MAGI2: variants seen among roughly 807,000 people sequenced by gnomAD.
MAGI2 encodes the protein membrane associated guanylate kinase, WW and PDZ domain containing 2.
In MAGI2, 35 loss-of-function variants were observed where a neutral mutation model predicts 133.3. That is an observed-to-expected ratio of 0.26 (90% CI 0.20 to 0.35). The LOEUF is 0.35. Ranked by LOEUF, MAGI2 falls within the 10% of genes least tolerant of loss-of-function variation. MAGI2 has a pLI of 1.00. For missense variants in MAGI2, 1,636 were observed against 1,863.4 expected (o/e 0.88, Z 2.25); for synonymous variants, 729 against 710.6 (o/e 1.03, Z -0.41).
At chr7:79,037,894 A>G (rs897833666) in intron 1 of MAGI2, among the ~76,000 whole-genome samples, 1 of 152,200 alleles carries the variant, frequency 6.6e-6, no homozygotes, top group Non-Finnish European at 1.5e-5. Flanking sequence ...ATTATATCTT[A>G]TGATGCCATT....
At chr7:78,166,705 C>T (rs1315296205) in intron 15 of MAGI2, among the ~76,000 whole-genome samples, 1 of 152,138 alleles carries the variant, frequency 6.6e-6, no homozygotes, top group Non-Finnish European at 1.5e-5. Flanking sequence ...CACAGCCTGT[C>T]ATTAGCCTGT....
At chr7:78,270,322 T>C (rs1424129454) in intron 9 of MAGI2, among the ~76,000 whole-genome samples, 1 of 152,202 alleles carries the variant, frequency 6.6e-6, no homozygotes, top group Non-Finnish European at 1.5e-5. Flanking sequence ...GGTAGCTTGA[T>C]GGGGATAGCA....
chr7:78,938,988 A>G (rs1800762162), intron 2 of MAGI2, among the ~76,000 whole-genome samples: 1 of 152,026 alleles, frequency 6.6e-6, no homozygotes, highest in East Asian at 1.9e-4. Flanking sequence ...ATCCCCACAT[A>G]TAATCGTTAT....
chr7:78,652,112 G>A (rs1811640035), intron 2 of MAGI2, among the ~76,000 whole-genome samples: 1 of 152,104 alleles, frequency 6.6e-6, no homozygotes, highest in South Asian at 2.1e-4. Flanking sequence ...CCAGGTAATG[G>A]GGAGATATTT....
intron 1 of MAGI2, among the ~76,000 whole-genome samples, chr7:79,348,834 A>C (rs7804560): frequency 0.31 from 47,059 of 151,644 alleles, 7,604 homozygotes; most frequent in Admixed American, 0.38. Context: ...AAGCTTTAAC[A>C]ACATAAAATA....
intron 3 of MAGI2, among the ~76,000 whole-genome samples, chr7:78,574,598 T>C (rs758268183): frequency 2.2e-4 from 33 of 152,218 alleles, no homozygotes; most frequent in Non-Finnish European, 3.8e-4. Context: ...GTTTAACATA[T>C]AGTTAGATCT....
chr7:78,693,409 T>C lies in MAGI2; in HGVS notation c.419-66170A>G, dbSNP rs555734983. On this transcript the variant is annotated intron_variant, in intron 2 of 21. Coordinates refer to ENST00000354212, the MANE Select transcript of MAGI2 (RefSeq NM_012301.4). ...ATGCTTGTATAAAATATTCTTACGA[T>C]GTGTACAATCTGTTAACAAGTCTCT... Among the ~76,000 whole-genome samples, 4 of 152,268 alleles carry C rather than the reference T, an allele frequency of 2.6e-5. No individual in the cohort carries two copies. In the South Asian group the frequency reaches 8.3e-4, roughly 32 times the overall value.
intron 20 of MAGI2, among the ~76,000 whole-genome samples, chr7:78,118,236 A>T (rs1457229276): frequency 6.6e-6 from 1 of 152,228 alleles, no homozygotes. Context: ...AAAATGCAAA[A>T]CTATGAAACT....
At chr7:78,993,367 T>C (rs1401416778) in intron 2 of MAGI2, among the ~76,000 whole-genome samples, 1 of 152,108 alleles carries the variant, frequency 6.6e-6, no homozygotes, top group Non-Finnish European at 1.5e-5. Flanking sequence ...GAGCAGTCTT[T>C]TAATAAATAA....
At chr7:79,359,517 C>A (rs1027740738) in intron 1 of MAGI2, among the ~76,000 whole-genome samples, 1 of 151,942 alleles carries the variant, frequency 6.6e-6, no homozygotes, top group African/African-American at 2.4e-5. Context: ...ATAGGATAAA[C>A]TTAAAGAATC....
chr7:78,935,996 T>C (rs1458417013), intron 2 of MAGI2, among the ~76,000 whole-genome samples: 1 of 152,130 alleles, frequency 6.6e-6, no homozygotes, highest in Non-Finnish European at 1.5e-5. Context: ...AATATACTGA[T>C]TCCCCAAATC....
At chr7:78,437,930 T>C (rs1787208379) in intron 6 of MAGI2, among the ~76,000 whole-genome samples, 1 of 152,196 alleles carries the variant, frequency 6.6e-6, no homozygotes, top group South Asian at 2.1e-4. Flanking sequence ...TTCCCCATAA[T>C]TCCTGAGAAG....
intron 3 of MAGI2, among the ~76,000 whole-genome samples, chr7:78,557,517 T>C (rs1383439752): frequency 6.6e-6 from 1 of 152,182 alleles, no homozygotes; most frequent in Admixed American, 6.5e-5. Flanking sequence ...TATCTGGCCC[T>C]CTAGCCAAGT....
chr7:79,080,451 C>T (rs927590117), intron 1 of MAGI2, among the ~76,000 whole-genome samples: 3 of 152,132 alleles, frequency 2.0e-5, no homozygotes, highest in African/African-American at 4.8e-5. Context: ...CCTACTCAGA[C>T]ATAATAATAT....
chr7:79,096,437 G>A (rs1459044417), intron 1 of MAGI2, among the ~76,000 whole-genome samples: 1 of 152,130 alleles, frequency 6.6e-6, no homozygotes, highest in African/African-American at 2.4e-5. Flanking sequence ...TGCATCACCA[G>A]CCTGAGTTCA....
chr7:79,157,239 C>T (rs1823864339), intron 1 of MAGI2, among the ~76,000 whole-genome samples: 1 of 152,016 alleles, frequency 6.6e-6, no homozygotes. Flanking sequence ...CTCCTCCCAG[C>T]CAAAAGGCAC....
At chr7:78,408,145 T>A (rs183686789) in intron 6 of MAGI2, among the ~76,000 whole-genome samples, 104 of 152,160 alleles carry the variant, frequency 6.8e-4, no homozygotes, top group African/African-American at 2.4e-3. Flanking sequence ...GAATATTATA[T>A]TTATTAAAAA....
At chr7:78,978,698 A>G (rs906734952) in intron 2 of MAGI2, among the ~76,000 whole-genome samples, 2 of 151,888 alleles carry the variant, frequency 1.3e-5, no homozygotes, top group South Asian at 2.1e-4. Context: ...GAATGTGACA[A>G]AAGTATTTAA....
intron 2 of MAGI2, among the ~76,000 whole-genome samples, chr7:78,939,301 T>C (rs900032995): frequency 4.6e-5 from 7 of 152,090 alleles, no homozygotes; most frequent in Admixed American, 4.6e-4. Flanking sequence ...GCCATAATGG[T>C]GATTTTAGAT....
Sources: allele counts gnomAD v4.1 joint callset (sites outside exome capture counted in the v4.1 genomes callset), GRCh38; gene constraint gnomAD v4.1.1; transcripts MANE v1.5; gene names NCBI Gene and HGNC (gene_info 2026-07-23, HGNC 2026-07-21).